GRM7: variants seen among roughly 807,000 people sequenced by gnomAD.
GRM7 encodes metabotropic glutamate receptor 7.
In GRM7, 35 loss-of-function variants were observed where a neutral mutation model predicts 84.5. The observed-to-expected ratio is 0.41, with a 90% confidence interval of 0.32 to 0.55. The LOEUF (loss-of-function observed/expected upper bound fraction) is 0.55, where lower values mean the gene tolerates loss of function less well. Ranked by LOEUF, GRM7 falls within the 20% of genes least tolerant of loss-of-function variation. GRM7 has a pLI of 0.19. For synonymous variants in GRM7, 487 were observed against 455.1 expected (o/e 1.07, Z -0.89); for missense variants, 1,003 against 1,194.6 (o/e 0.84, Z 2.36).
intron 1 of GRM7, among the ~76,000 whole-genome samples, chr3:6,890,443 G>A (rs563430745): frequency 1.4e-4 from 21 of 152,094 alleles, no homozygotes; most frequent in East Asian, 1.4e-3. Context: ...CTTTGTTCTC[G>A]TTGGTTTCAA....
chr3:7,515,823 G>A (rs1029927402), intron 7 of GRM7, among the ~76,000 whole-genome samples: 1 of 151,980 alleles, frequency 6.6e-6, no homozygotes, highest in African/African-American at 2.4e-5. Context: ...AGGGGACAAT[G>A]ACTTTTGCAT....
At chr3:7,695,470 T>C (rs73809659) in intron 9 of GRM7, among the ~76,000 whole-genome samples, 12,514 of 152,264 alleles carry the variant, frequency 0.082, 1,161 homozygotes, top group African/African-American at 0.23. Flanking sequence ...ATTATGATTT[T>C]TAAATCTTCA....
intron 1 of GRM7, among the ~76,000 whole-genome samples, chr3:6,959,752 T>C (rs1400936020): frequency 1.3e-5 from 2 of 152,212 alleles, no homozygotes; most frequent in Non-Finnish European, 2.9e-5. Flanking sequence ...TTTATGACAA[T>C]ATGTATTATG....
chr3:7,491,411 G>GGT (rs1168067662), intron 7 of GRM7, among the ~76,000 whole-genome samples: 18 of 89,990 alleles, frequency 2.0e-4, no homozygotes, highest in African/African-American at 7.5e-4. Flanking sequence ...TGATTTAGAT[G>GGT]GTATATATAT....
chr3:7,179,331 G>C (rs558084555), intron 2 of GRM7, among the ~76,000 whole-genome samples: 3 of 152,264 alleles, frequency 2.0e-5, no homozygotes, highest in East Asian at 3.9e-4. Context: ...ATTTCTGTTT[G>C]TTTCCAAAAA....
chr3:7,426,314 T>C (rs1419739273), intron 5 of GRM7, among the ~76,000 whole-genome samples: 2 of 152,072 alleles, frequency 1.3e-5, no homozygotes, highest in Admixed American at 6.6e-5. Context: ...AGACAGGGTT[T>C]CTCTATGTTG....
chr3:6,990,858 T>A (rs1049874692), intron 1 of GRM7, among the ~76,000 whole-genome samples: 10 of 152,188 alleles, frequency 6.6e-5, no homozygotes, highest in African/African-American at 2.2e-4. Flanking sequence ...TTTGAGAGAC[T>A]GACTGGGATT....
At chr3:6,922,484 A>G (rs189334435) in intron 1 of GRM7, among the ~76,000 whole-genome samples, 1 of 152,350 alleles carries the variant, frequency 6.6e-6, no homozygotes, top group African/African-American at 2.4e-5. Context: ...TCTAGAGATT[A>G]GATGCTGTCA....
At chr3:7,689,426 A>G (rs981361474) in intron 9 of GRM7, among the ~76,000 whole-genome samples, 1 of 152,172 alleles carries the variant, frequency 6.6e-6, no homozygotes, top group African/African-American at 2.4e-5. Context: ...CAGTATAAAT[A>G]CAGCAAAGAA....
chr3:7,624,187 T>C (rs1343506574), intron 8 of GRM7, among the ~76,000 whole-genome samples: 1 of 152,130 alleles, frequency 6.6e-6, no homozygotes, highest in Non-Finnish European at 1.5e-5. Flanking sequence ...CAAAATATGA[T>C]GTAGAAGGTA....
chr3:7,101,891 C>G (rs1279704051), intron 1 of GRM7, among the ~76,000 whole-genome samples: 4 of 150,210 alleles, frequency 2.7e-5, no homozygotes, highest in African/African-American at 7.3e-5. Context: ...AATTGGCATC[C>G]TTAATTTATC....
In GRM7 at chr3:7,308,124, C is replaced by T. The variant is rs138805113; in HGVS notation, c.1033+1472C>T. Reference sequence around the variant, plus strand: ...ATTCATTCTGCAGCACTGTCCTGCACTCCTGCCTTCTTAAAATCCTTCCAG... The same window carrying T: ...ATTCATTCTGCAGCACTGTCCTGCATTCCTGCCTTCTTAAAATCCTTCCAG... On this transcript the variant is annotated intron_variant, in intron 4 of 9. Transcript: ENST00000357716. Among the ~76,000 whole-genome samples, 125 of 152,304 alleles carry T rather than the reference C, an allele frequency of 8.2e-4. 4 individuals are homozygous for T. The East Asian group carries it at 0.024, about 29-fold the overall frequency.
rs961373856 is a variant in GRM7 at position 7,701,555 on chromosome 3, G to A, written c.2698+21260G>A. On this transcript the variant is annotated intron_variant, in intron 9 of 9. Coordinates refer to ENST00000357716, the MANE Select transcript of GRM7 (RefSeq NM_000844.4). ...CCTGACCTCGTGATCCACTCGCCTC[G>A]GCCCCCCAAAGTGCGGGATTACAGG... Among the ~76,000 whole-genome samples the A allele has an allele frequency of 8.6e-5, 13 of 152,046 alleles. No homozygotes were observed. The South Asian group carries it at 1.0e-3, about 12-fold the overall frequency.
intron 2 of GRM7, among the ~76,000 whole-genome samples, chr3:7,256,041 C>A (rs1030290977): frequency 6.6e-6 from 1 of 152,174 alleles, no homozygotes; most frequent in Non-Finnish European, 1.5e-5. Context: ...GGACCTCTCA[C>A]CCCTCTGCCC....
intron 4 of GRM7, among the ~76,000 whole-genome samples, chr3:7,322,425 G>C (rs890386467): frequency 9.9e-5 from 15 of 151,498 alleles, no homozygotes; most frequent in African/African-American, 3.6e-4. Flanking sequence ...GTAGTTTTTG[G>C]GGAACAGGTT....
chr3:7,044,823 A>C (rs1696744815), intron 1 of GRM7, among the ~76,000 whole-genome samples: 1 of 152,160 alleles, frequency 6.6e-6, no homozygotes, highest in Non-Finnish European at 1.5e-5. Flanking sequence ...GGTAAAGTTT[A>C]CCCACACTCA....
intron 8 of GRM7, chr3:7,608,196 C>G (rs562946517): frequency 6.5e-6 from 1 of 153,188 alleles, no homozygotes; most frequent in Non-Finnish European, 1.5e-5. Context: ...TGAATATTCA[C>G]GTACATGTGT....
intron 9 of GRM7, among the ~76,000 whole-genome samples, chr3:7,695,653 T>A (rs1700989664): frequency 6.6e-6 from 1 of 152,148 alleles, no homozygotes; most frequent in African/African-American, 2.4e-5. Flanking sequence ...TCCAACTTTG[T>A]CGTTCTCCAG....
chr3:7,637,931 T>C (rs1466087562), intron 8 of GRM7, among the ~76,000 whole-genome samples: 1 of 152,184 alleles, frequency 6.6e-6, no homozygotes, highest in Non-Finnish European at 1.5e-5. Flanking sequence ...CTCAGCAGAC[T>C]CAGTAAGCTG....
Sources: allele counts gnomAD v4.1 joint callset (sites outside exome capture counted in the v4.1 genomes callset), GRCh38; gene constraint gnomAD v4.1.1; transcripts MANE v1.5; gene names NCBI Gene and HGNC (gene_info 2026-07-23, HGNC 2026-07-21).